The following USP53 variants were observed in gnomAD, a reference collection of about 807,000 sequenced individuals.
The protein encoded by USP53 is ubiquitin carboxyl-terminal hydrolase 53.
A neutral mutation model predicts 94.9 loss-of-function variants in USP53; 71 were observed. The ratio of observed to expected loss-of-function variants is 0.75; its 90% CI spans 0.62 to 0.91. USP53 has a LOEUF of 0.91. USP53 is among the 40% of genes least tolerant of loss of function. The pLI is 0.00. For synonymous variants in USP53, 375 were observed against 422.7 expected (o/e 0.89, Z 1.39); for missense variants, 1,173 against 1,281.0 (o/e 0.92, Z 1.29).
chr4:119,227,911 G>A (rs1745543895), intron 3 of USP53, among the ~76,000 whole-genome samples: 1 of 152,162 alleles, frequency 6.6e-6, no homozygotes, highest in East Asian at 1.9e-4. Context: ...TACAACTTCT[G>A]ATTTGTGCAG....
At chr4:119,251,687 A>G (rs1561255156) in intron 7 of USP53, among the ~76,000 whole-genome samples, 1 of 152,118 alleles carries the variant, frequency 6.6e-6, no homozygotes, top group Admixed American at 6.5e-5. Flanking sequence ...CTCTTGCCTG[A>G]TTTGACTTCA....
rs1243012488 is a variant in USP53 at position 119,248,821 on chromosome 4, A to C, written c.311A>C (p.Glu104Ala). Residue 104 changes from glutamate (E) to alanine (A), a missense_variant, in exon 7 of 19, where the codon GAA becomes GCA. Coordinates refer to ENST00000692078, the MANE Select transcript of USP53 (RefSeq NM_001371395.1). The part of the protein sequence containing the change: ...PSDNIRHALA[E>A]SFKDEQRFQL... ...GATAACATAAGGCATGCTCTTGCAG[A>C]AAGTTTCAAAGATGAGCAGCGATTT... 3.1e-6 allele frequency: 5 copies of C among 1,614,040 alleles called. No homozygotes were observed. In the African/African-American group the frequency reaches 6.7e-5, roughly 22 times the overall value.
In USP53 at chr4:119,280,778, C is replaced by A. The variant is rs548391768; in HGVS notation, c.2251+7070C>A. ...CCAGAGGTGGTCAGTGTAGTCTCTT[C>A]TTAGGAGTCACTCAGGATCCCAGGC... On this transcript the variant is annotated intron_variant, in intron 17 of 18. Coordinates refer to ENST00000692078, the MANE Select transcript of USP53 (RefSeq NM_001371395.1). Among the ~76,000 whole-genome samples, 8 of 152,230 alleles carry A rather than the reference C, an allele frequency of 5.3e-5. No homozygotes were observed. The East Asian group carries it at 1.5e-3, about 29-fold the overall frequency.
intron 9 of USP53, among the ~76,000 whole-genome samples, chr4:119,257,507 C>T (rs1749939356): frequency 6.6e-6 from 1 of 152,128 alleles, no homozygotes; most frequent in Admixed American, 6.6e-5. Context: ...CATTTGCATA[C>T]ATTTTAATAC....
At chr4:119,244,365 A>C (rs1263502961) in intron 5 of USP53, among the ~76,000 whole-genome samples, 4 of 152,108 alleles carry the variant, frequency 2.6e-5, no homozygotes, top group African/African-American at 9.7e-5. Flanking sequence ...TATTAAAGCC[A>C]GTTTGTTTTT....
intron 17 of USP53, among the ~76,000 whole-genome samples, chr4:119,287,344 AG>A (rs1465821114): frequency 4.6e-5 from 7 of 152,150 alleles, no homozygotes; most frequent in African/African-American, 1.7e-4. Context: ...TACTATATGG[AG>A]CGATGTTGGC....
intron 17 of USP53, among the ~76,000 whole-genome samples, chr4:119,288,679 G>C (rs1561355391): frequency 6.6e-6 from 1 of 152,134 alleles, no homozygotes; most frequent in Non-Finnish European, 1.5e-5. Flanking sequence ...GCTGACACCT[G>C]TAATCCCAGC....
chr4:119,251,051 C>T (rs1214776421), intron 7 of USP53, among the ~76,000 whole-genome samples: 1 of 151,932 alleles, frequency 6.6e-6, no homozygotes, highest in African/African-American at 2.4e-5. Flanking sequence ...GTTATCCCTC[C>T]CCTAGCCCCC....
At position 119,267,402 on chromosome 4, in the gene USP53, A is replaced by G. The variant is rs932771460; in HGVS notation, c.1055A>G (p.Asp352Gly). The G allele has an allele frequency of 1.3e-5, 21 of 1,614,016 alleles. No individual in the cohort carries two copies. Among genetic ancestry groups the G allele is most frequent in the Non-Finnish European group, 1.8e-5 (21 of 1,180,022 alleles). Residue 352 changes from aspartate to glycine, a missense_variant, in exon 13 of 19, where the codon GAT becomes GGT. Physicochemically the swap from Asp to Gly is moderately conservative, Grantham distance 94. Transcript: ENST00000692078. ...CTACTTTTGTTTTATGCAAACCCAG[A>G]TGGCACAGCAGTTTCTACTGAGGAT... The part of the protein sequence containing the change: ...QPLLLFYANP[D>G]GTAVSTEDAL...
intron 17 of USP53, among the ~76,000 whole-genome samples, chr4:119,285,300 A>G (rs1206241732): frequency 6.6e-6 from 1 of 151,770 alleles, no homozygotes. Flanking sequence ...TCTTTTTTTT[A>G]TGAGGTACGG....
At chr4:119,212,645 G>GGGGCGT, upstream of USP53, 1 of 365,700 alleles carries the variant, frequency 2.7e-6, no homozygotes, top group Non-Finnish European at 5.4e-6. Flanking sequence ...CCTGGGTATT[G>GGGGCGT]GGGCGTATGC....
intron 3 of USP53, chr4:119,218,927 T>C (rs1032202218): frequency 3.9e-5 from 6 of 152,174 alleles, no homozygotes; most frequent in African/African-American, 1.4e-4. Context: ...ATATTGTTAG[T>C]GAAAAGATGT....
chr4:119,239,283 G>C lies in USP53; in HGVS notation c.-477G>C, dbSNP rs1177053296. The C allele has an allele frequency of 2.0e-5, 3 of 151,824 alleles. No individual in the cohort carries two copies. Among genetic ancestry groups the C allele is most frequent in the Non-Finnish European group, 4.4e-5 (3 of 68,282 alleles). The allele number at this position is 151,824 out of a possible 1,614,324, so 9.4% of individuals were successfully genotyped here. A position where few individuals can be genotyped will look rare whatever the true frequency, so the allele number is the denominator to read the frequency against. ...CTTTTATAACTTCACCTGGGAAAGA[G>C]AGAGAAAACTTTCTTGTTAAAAAAA... On this transcript the variant is annotated 5_prime_UTR_variant, in exon 5 of 19. Transcript: ENST00000692078.
At chr4:119,279,758 A>C (rs1028545700) in intron 17 of USP53, among the ~76,000 whole-genome samples, 1 of 152,086 alleles carries the variant, frequency 6.6e-6, no homozygotes, top group Non-Finnish European at 1.5e-5. Flanking sequence ...GCGAGATTCC[A>C]TGGGCGTAGG....
At chr4:119,233,529 T>C (rs931679908) in intron 3 of USP53, among the ~76,000 whole-genome samples, 2 of 152,170 alleles carry the variant, frequency 1.3e-5, no homozygotes, top group African/African-American at 4.8e-5. Context: ...GTGTTTATAT[T>C]TTCTACTTCC....
At chr4:119,265,373 T>G (rs1246447619) in intron 12 of USP53, among the ~76,000 whole-genome samples, 1 of 152,234 alleles carries the variant, frequency 6.6e-6, no homozygotes, top group African/African-American at 2.4e-5. Context: ...CAGCTTCTAC[T>G]TTGCTTTTAC....
chr4:119,255,783 G>A (rs764376117), intron 7 of USP53, among the ~76,000 whole-genome samples: 6 of 152,196 alleles, frequency 3.9e-5, no homozygotes, highest in Non-Finnish European at 7.3e-5. Flanking sequence ...CCAATGAGAT[G>A]AACCAGGTAC....
In USP53 at chr4:119,293,029, A is replaced by G. The variant is rs1561369428; in HGVS notation, c.3040A>G (p.Ile1014Val). ...TNDFQANSGA[I>V]DAFCQPELDS... The stretch of plus-strand genomic sequence containing the variant: ...CGATTTTCAGGCAAACTCAGGTGCC[A>G]TTGATGCATTTTGCCAACCAGAACT... The change falls in exon 19 of 19, where the codon ATT (isoleucine) becomes GTT (valine). Residue 1014 changes from isoleucine to valine, a missense_variant. Physicochemically the swap from Ile to Val is conservative, Grantham distance 29. Transcript: ENST00000692078. 2.5e-6 allele frequency: 4 copies of G among 1,614,140 alleles called. No individual in the cohort carries two copies. Among genetic ancestry groups the G allele is most frequent in the Non-Finnish European group, 2.5e-6 (3 of 1,179,972 alleles).
intron 3 of USP53, among the ~76,000 whole-genome samples, chr4:119,234,373 G>A (rs1746451744): frequency 1.3e-5 from 2 of 152,192 alleles, no homozygotes; most frequent in South Asian, 4.1e-4. Flanking sequence ...TTGCTTTTGT[G>A]TAATCTATAG....
Sources: gnomAD v4.1 joint callset for allele counts (sites outside exome capture counted in the v4.1 genomes callset) on GRCh38, gnomAD v4.1.1 for gene constraint, MANE v1.5 for transcripts, NCBI Gene and HGNC (gene_info 2026-07-23, HGNC 2026-07-21) for gene names.